KIF1B: variants seen among roughly 807,000 people sequenced by gnomAD.
KIF1B encodes the protein kinesin-like protein KIF1B.
KIF1B carries 76 observed loss-of-function variants against 241.9 expected under a neutral mutation model. The ratio of observed to expected loss-of-function variants is 0.31; its 90% confidence interval spans 0.26 to 0.38. The LOEUF (loss-of-function observed/expected upper bound fraction) is 0.38, where lower values mean the gene tolerates loss of function less well. KIF1B is among the 10% of genes least tolerant of loss of function. The probability of loss-of-function intolerance (pLI) is 1.00; values close to 1 mark genes in which losing one functional copy is unlikely to be tolerated. For missense variants in KIF1B, 1,622 were observed against 2,271.4 expected, an observed-to-expected ratio of 0.71 and a Z score of 5.81; for synonymous variants, 750 against 796.7, an observed-to-expected ratio of 0.94 and a Z score of 0.99.
intron 13 of KIF1B, 49 bp downstream of exon 13, chr1:10,278,177 G>A: frequency 6.3e-7 from 1 of 1,579,272 alleles, no homozygotes. Flanking sequence ...CTTCTTCAGG[G>A]TTCTTATTCA....
chr1:10,285,652 G>A lies in KIF1B; in HGVS notation c.1434+3119G>A, dbSNP rs373547072. On this transcript the variant is annotated intron_variant, in intron 15 of 48. Coordinates refer to ENST00000676179, the MANE Select transcript of KIF1B (RefSeq NM_001365951.3). ...TGTTGTCTTGAGTTTTTAATGCAGTGTGGTAGTTCACTGAAGCATAAGCAC... is the reference window on the plus strand; with the variant it reads ...TGTTGTCTTGAGTTTTTAATGCAGTATGGTAGTTCACTGAAGCATAAGCAC... Among the ~76,000 whole-genome samples the A allele has an allele frequency of 3.3e-4, 51 of 152,328 alleles. 1 individual carries two copies. The South Asian group carries it at 0.011, about 32-fold the overall frequency.
chr1:10,326,501 T>A lies in KIF1B; in HGVS notation c.2924+142T>A. 9.0e-7 allele frequency: 1 copy of A among 1,113,116 alleles called. No individual in the cohort carries two copies. Among genetic ancestry groups the A allele is most frequent in the African/African-American group, 1.5e-5 (1 of 65,650 alleles). The allele number at this position is 1,113,116 out of a possible 1,614,324, so 69.0% of individuals were successfully genotyped here. A position where few individuals can be genotyped will look rare whatever the true frequency, so the allele number is the denominator to read the frequency against. On this transcript the variant is annotated intron_variant, in intron 27 of 48. Transcript: ENST00000676179. The surrounding 1 kb of genome is among the most constrained non-coding windows in gnomAD (Gnocchi z 5.2). ...TTTCAAGTTCTCCAATACTTCAAGC[T>A]CTTAGTCAGTGCTGGTCTGGCTGAG... is the stretch of plus-strand genomic sequence containing the variant.
At chr1:10,272,121 GT>G in intron 8 of KIF1B, 119 bp from the exon 9 acceptor site, 1 of 752,524 alleles carries the variant, frequency 1.3e-6, no homozygotes. Context: ...ACTAAAGGTT[GT>G]TTTTAGAACT....
intron 22 of KIF1B, 37 bp from the exon 23 acceptor site, chr1:10,320,006 C>T: frequency 7.3e-7 from 1 of 1,367,240 alleles, no homozygotes; most frequent in Non-Finnish European, 1.0e-6. Context: ...CTTATTTCTT[C>T]CCTCTCCTAC....
At chr1:10,290,333 A>ATTGGTAAATTGTCACACAC (rs1649931605) in intron 15 of KIF1B, among the ~76,000 whole-genome samples, 1 of 152,036 alleles carries the variant, frequency 6.6e-6, no homozygotes, top group Non-Finnish European at 1.5e-5. Context: ...TCAGCAAGTG[A>ATTGGTAAATTGTCACACAC]TTGGTAAATT....
At chr1:10,310,376 G>A (rs1651015140) in intron 22 of KIF1B, among the ~76,000 whole-genome samples, 1 of 151,632 alleles carries the variant, frequency 6.6e-6, no homozygotes, top group Non-Finnish European at 1.5e-5. Context: ...GATCTGGAAT[G>A]GGGGCTTGGT....
chr1:10,293,858 G>A (rs1650129201), intron 17 of KIF1B, among the ~76,000 whole-genome samples: 1 of 152,066 alleles, frequency 6.6e-6, no homozygotes, highest in African/African-American at 2.4e-5. Flanking sequence ...TAGCTTTCTA[G>A]ACTTCTTCAT....
chr1:10,308,927 A>G (rs1208527718), intron 22 of KIF1B, among the ~76,000 whole-genome samples: 2 of 152,182 alleles, frequency 1.3e-5, no homozygotes, highest in African/African-American at 4.8e-5. Flanking sequence ...TTTTTTCTCT[A>G]CATACTCTTG....
intron 22 of KIF1B, chr1:10,305,460 A>T (rs1047382547): frequency 9.4e-7 from 1 of 1,059,186 alleles, no homozygotes; most frequent in Non-Finnish European, 1.1e-6. Flanking sequence ...CAACAGAAAT[A>T]CCAACAAAAA....
At chr1:10,274,101 T>A (rs1268891352) in intron 10 of KIF1B, among the ~76,000 whole-genome samples, 3 of 151,848 alleles carry the variant, frequency 2.0e-5, no homozygotes, top group Non-Finnish European at 2.9e-5. Context: ...CACCCCCGGC[T>A]AATTTTTTGT....
chr1:10,324,184 A>G, intron 25 of KIF1B, 122 bp downstream of exon 25: 1 of 989,036 alleles, frequency 1.0e-6, no homozygotes, highest in Non-Finnish European at 1.6e-6. Context: ...TGTACTTTCT[A>G]AATGCTGTTG....
chr1:10,354,237 T>C (rs1652898383), intron 38 of KIF1B, among the ~76,000 whole-genome samples: 2 of 152,198 alleles, frequency 1.3e-5, no homozygotes, highest in African/African-American at 2.4e-5. Flanking sequence ...ATATTTCTGT[T>C]CTCATTTAAA....
intron 17 of KIF1B, among the ~76,000 whole-genome samples, chr1:10,292,626 A>G (rs1374415781): frequency 1.3e-5 from 2 of 151,850 alleles, no homozygotes; most frequent in African/African-American, 2.4e-5. Flanking sequence ...ATCCTTCTAG[A>G]CTCCTCTGCT....
chr1:10,284,663 C>T (rs577558817), intron 15 of KIF1B, among the ~76,000 whole-genome samples: 4 of 151,724 alleles, frequency 2.6e-5, no homozygotes, highest in South Asian at 2.1e-4. Flanking sequence ...CCAGTCTGGG[C>T]GGCAGAGTGA....
At position 10,296,755 on chromosome 1, in the gene KIF1B, T is replaced by C; in HGVS notation, c.1861+90T>C. On this transcript the variant is annotated intron_variant, in intron 20 of 48. Coordinates refer to ENST00000676179, the MANE Select transcript of KIF1B (RefSeq NM_001365951.3). The stretch of plus-strand genomic sequence containing the variant: ...TTTGGCTGTTTAAAGGCTGAAGTAA[T>C]AGTCAGCATTAGGATTTTTGTTCTT... 2.2e-6 allele frequency: 3 copies of C among 1,360,408 alleles called. No individual in the cohort carries two copies. The South Asian group carries it at 3.6e-5, about 16-fold the overall frequency. 84.3% of individuals were successfully genotyped at this position (1,360,408 alleles called of 1,614,324 possible).
At chr1:10,376,506 C>T (rs755972525) in intron 48 of KIF1B, 39 bp from the exon 49 acceptor site, 3 of 1,606,992 alleles carry the variant, frequency 1.9e-6, no homozygotes, top group Non-Finnish European at 2.6e-6. Context: ...AGACTTGTAC[C>T]CAGACTTCTA....
chr1:10,327,846 A>G (rs953417813), intron 27 of KIF1B, among the ~76,000 whole-genome samples: 1 of 152,172 alleles, frequency 6.6e-6, no homozygotes, highest in East Asian at 1.9e-4. Context: ...TGTTAAATGG[A>G]TGAGTACCAG....
intron 1 of KIF1B, among the ~76,000 whole-genome samples, chr1:10,212,853 T>A (rs1473524712): frequency 5.5e-5 from 7 of 126,696 alleles, no homozygotes; most frequent in Non-Finnish European, 1.2e-4. Context: ...AAAAAAAAAA[T>A]GTGTATATAT....
At chr1:10,345,492 T>C in intron 34 of KIF1B, 1 of 309,182 alleles carries the variant, frequency 3.2e-6, no homozygotes, top group South Asian at 2.9e-5. Context: ...TTCCAAGCAT[T>C]GTCTCTCCCA....
Sources: gnomAD v4.1 joint callset for allele counts (sites outside exome capture counted in the v4.1 genomes callset) on GRCh38, gnomAD v4.1.1 for gene constraint, Gnocchi (gnomAD v3.1) non-coding constraint, MANE v1.5 for transcripts, NCBI Gene and HGNC (gene_info 2026-07-23, HGNC 2026-07-21) for gene names.